Variants in DOCK5 observed in about 807,000 individuals in gnomAD.
The protein encoded by DOCK5 is dedicator of cytokinesis 5, also known as dedicator of cytokinesis protein 5.
Under a neutral mutation model 251.8 loss-of-function variants are expected in DOCK5, and 142 were observed. That is an observed-to-expected ratio of 0.56 (90% CI 0.49 to 0.65). DOCK5 has a LOEUF of 0.65. DOCK5 is among the 30% of genes least tolerant of loss of function. The probability of loss-of-function intolerance (pLI) is 0.00; values close to 1 mark genes in which losing one functional copy is unlikely to be tolerated. For synonymous variants in DOCK5, 842 were observed against 835.5 expected, an observed-to-expected ratio of 1.01 and a Z score of -0.13; for missense variants, 2,111 against 2,312.3, an observed-to-expected ratio of 0.91 and a Z score of 1.79.
chr8:25,363,789 A>G lies in DOCK5; in HGVS notation c.3044+648A>G, dbSNP rs533171171. Among the ~76,000 whole-genome samples the G allele has an allele frequency of 5.3e-5, 8 of 152,264 alleles. No individual in the cohort carries two copies. In the East Asian group the frequency reaches 7.7e-4, roughly 15 times the overall value. The stretch of plus-strand genomic sequence containing the variant: ...GAACACATGGTCTGCTCTGCCTCAC[A>G]CCGGTCTTCCGCTAGCAGTGCCTTC... On this transcript the variant is annotated intron_variant, in intron 29 of 51. Coordinates refer to ENST00000276440, the MANE Select transcript of DOCK5 (RefSeq NM_024940.8).
chr8:25,201,061 C>G (rs538529831), intron 1 of DOCK5, among the ~76,000 whole-genome samples: 3 of 152,292 alleles, frequency 2.0e-5, no homozygotes, highest in South Asian at 2.1e-4. Flanking sequence ...TGCATGCCAC[C>G]ATGCCCGGCT....
intron 16 of DOCK5, among the ~76,000 whole-genome samples, chr8:25,322,665 A>C (rs1805457345): frequency 6.6e-6 from 1 of 152,230 alleles, no homozygotes; most frequent in Non-Finnish European, 1.5e-5. Context: ...ACAATAATAT[A>C]ACAAGGTACA....
At chr8:25,325,252 TA>T in intron 17 of DOCK5, 111 bp from the exon 18 acceptor site, 5 of 1,132,858 alleles carry the variant, frequency 4.4e-6, no homozygotes, top group Non-Finnish European at 5.1e-6. Flanking sequence ...ATCTTCAGGA[TA>T]AATTGATAAG....
intron 1 of DOCK5, among the ~76,000 whole-genome samples, chr8:25,218,594 G>C (rs1485690675): frequency 6.6e-6 from 1 of 152,176 alleles, no homozygotes; most frequent in African/African-American, 2.4e-5. Flanking sequence ...CCCTCCTGTG[G>C]TGTTTATGAC....
At chr8:25,356,390 G>A (rs1303365482) in intron 27 of DOCK5, among the ~76,000 whole-genome samples, 2 of 152,156 alleles carry the variant, frequency 1.3e-5, no homozygotes, top group Non-Finnish European at 2.9e-5. Context: ...TTGGGGCTGG[G>A]TGCGGTGGCT....
At chr8:25,361,825 C>A (rs1023883802) in intron 28 of DOCK5, among the ~76,000 whole-genome samples, 1 of 152,098 alleles carries the variant, frequency 6.6e-6, no homozygotes, top group Non-Finnish European at 1.5e-5. Context: ...CCCAGCTTGA[C>A]CAGCATCTCA....
At chr8:25,406,906 G>A (rs911904185) in intron 48 of DOCK5, among the ~76,000 whole-genome samples, 3 of 152,078 alleles carry the variant, frequency 2.0e-5, no homozygotes, top group African/African-American at 4.8e-5. Context: ...GATTACAGGC[G>A]TGAGCCACCG....
chr8:25,297,251 C>T (rs1280864452), intron 7 of DOCK5, among the ~76,000 whole-genome samples: 3 of 151,302 alleles, frequency 2.0e-5, no homozygotes, highest in African/African-American at 7.3e-5. Context: ...CCCACCACCA[C>T]ACCCGGCTAA....
chr8:25,240,067 C>T (rs542464384), intron 1 of DOCK5, among the ~76,000 whole-genome samples: 1 of 152,228 alleles, frequency 6.6e-6, no homozygotes, highest in Non-Finnish European at 1.5e-5. Flanking sequence ...GTCAAGGACG[C>T]CTTTCTTCCC....
At chr8:25,341,344 CTTTA>C (rs1433809983) in intron 23 of DOCK5, among the ~76,000 whole-genome samples, 1 of 152,060 alleles carries the variant, frequency 6.6e-6, no homozygotes, top group African/African-American at 2.4e-5. Flanking sequence ...AAGTCACCAT[CTTTA>C]TTATCATAAT....
At chr8:25,296,767 TA>T in intron 7 of DOCK5, 119 bp downstream of exon 7, 1 of 1,309,336 alleles carries the variant, frequency 7.6e-7, no homozygotes, top group Non-Finnish European at 1.0e-6. Flanking sequence ...GTCCTCATTT[TA>T]AAAGTGAAAC....
chr8:25,379,506 C>T (rs561711827), intron 38 of DOCK5, among the ~76,000 whole-genome samples: 4 of 152,120 alleles, frequency 2.6e-5, no homozygotes, highest in Non-Finnish European at 4.4e-5. Flanking sequence ...CCCAAAAAAT[C>T]GCTGTTATTC....
intron 18 of DOCK5, among the ~76,000 whole-genome samples, chr8:25,331,522 A>G (rs1805681463): frequency 6.6e-6 from 1 of 152,262 alleles, no homozygotes; most frequent in African/African-American, 2.4e-5. Context: ...GACTTATGCT[A>G]AGGGTTATGA....
At chr8:25,231,710 C>A (rs1199186624) in intron 1 of DOCK5, among the ~76,000 whole-genome samples, 1 of 152,094 alleles carries the variant, frequency 6.6e-6, no homozygotes, top group Non-Finnish European at 1.5e-5. Context: ...TAGCTAGACC[C>A]ACCCTTAAAA....
chr8:25,377,611 T>G (rs1800986934), intron 38 of DOCK5, among the ~76,000 whole-genome samples, 187 bp downstream of exon 38: 1 of 152,216 alleles, frequency 6.6e-6, no homozygotes, highest in African/African-American at 2.4e-5. Flanking sequence ...TTCACAGTTC[T>G]GGGCAACTGG....
rs759310303 is a variant in DOCK5, at chr8:25,403,648, A to G, written c.5017A>G (p.Thr1673Ala). Residue 1673 changes from threonine (T) to alanine (A), a missense_variant, in exon 48 of 52, where the codon ACC becomes GCC. Thr to Ala is a moderately conservative substitution (Grantham distance 58). Coordinates refer to ENST00000276440, the MANE Select transcript of DOCK5 (RefSeq NM_024940.8). ...TTCCACTCTGCGGAGGTTGTCCATC[A>G]CCTCAGTCACTTCCTCTGTGGTTTC... ...MSSTLRRLSI[T>A]SVTSSVVSTS... 1.2e-6 allele frequency: 2 copies of G among 1,613,900 alleles called. No individual in the cohort carries two copies. The highest frequency in any genetic ancestry group is 3.3e-5 in the Admixed American group (2 of 60,024).
chr8:25,222,148 G>A (rs1292111568), intron 1 of DOCK5, among the ~76,000 whole-genome samples: 1 of 152,156 alleles, frequency 6.6e-6, no homozygotes, highest in African/African-American at 2.4e-5. Context: ...GGTCCACTCT[G>A]CACTGTTATT....
At chr8:25,198,583 A>T (rs866235508) in intron 1 of DOCK5, among the ~76,000 whole-genome samples, 2 of 151,940 alleles carry the variant, frequency 1.3e-5, no homozygotes, top group South Asian at 2.1e-4. Flanking sequence ...AAAAAAAAAA[A>T]ATACTAAGTC....
chr8:25,385,217 G>A (rs569841284), intron 40 of DOCK5, among the ~76,000 whole-genome samples: 10 of 152,276 alleles, frequency 6.6e-5, no homozygotes, highest in African/African-American at 2.4e-4. Flanking sequence ...AGTGGGAGCT[G>A]CTGCAGACTT....
Sources: gnomAD v4.1 joint callset for allele counts (sites outside exome capture counted in the v4.1 genomes callset) on GRCh38, gnomAD v4.1.1 for gene constraint, MANE v1.5 for transcripts, NCBI Gene and HGNC (gene_info 2026-07-23, HGNC 2026-07-21) for gene names.